Variants in UNC80 observed in about 807,000 individuals in gnomAD.
UNC80 encodes the protein unc-80 subunit of NALCN channel complex.
UNC80 carries 164 observed loss-of-function variants against 384.6 expected under a neutral mutation model. The observed-to-expected ratio is 0.43, with a 90% CI of 0.38 to 0.49. The LOEUF is 0.49. Ranked by LOEUF, UNC80 falls within the 20% of genes least tolerant of loss-of-function variation. The pLI is 0.00. For synonymous variants in UNC80, 1,486 were observed against 1,527.8 expected (o/e 0.97, Z 0.64); for missense variants, 3,330 against 4,143.0 (o/e 0.80, Z 5.39).
At chr2:209,949,366 A>G (rs1368193535) in intron 47 of UNC80, among the ~76,000 whole-genome samples, 8 of 152,152 alleles carry the variant, frequency 5.3e-5, no homozygotes, top group Admixed American at 5.2e-4. Context: ...TGTATTTGTA[A>G]CCCTCCATTA....
At chr2:209,918,336 G>A (rs2089731717) in intron 32 of UNC80, among the ~76,000 whole-genome samples, 196 bp from the exon 33 acceptor site, 1 of 152,180 alleles carries the variant, frequency 6.6e-6, no homozygotes, top group Admixed American at 6.5e-5. Flanking sequence ...TTAGTAAACT[G>A]AGGCCCAGAT....
intron 61 of UNC80, among the ~76,000 whole-genome samples, chr2:209,991,694 C>T (rs1390672815): frequency 6.6e-6 from 1 of 152,126 alleles, no homozygotes; most frequent in Non-Finnish European, 1.5e-5. Flanking sequence ...TGAATGTGCC[C>T]CTTCACCCAA....
At chr2:209,922,009 GATTA>G (rs1238273989) in intron 34 of UNC80, among the ~76,000 whole-genome samples, 3 of 152,262 alleles carry the variant, frequency 2.0e-5, no homozygotes, top group East Asian at 1.9e-4. Context: ...TATCAAAAAT[GATTA>G]ATTAATCATT....
intron 7 of UNC80, among the ~76,000 whole-genome samples, chr2:209,811,446 T>G (rs1329971359): frequency 6.6e-6 from 1 of 152,176 alleles, no homozygotes; most frequent in Non-Finnish European, 1.5e-5. Flanking sequence ...AGGAAGTAAT[T>G]GCAATAAGCC....
chr2:209,941,430 C>A lies in UNC80; in HGVS notation c.6856C>A (p.His2286Asn), dbSNP rs1020253955. Reference sequence around the variant, plus strand: ...TGCCACCGTCATCAACACCGCGGTGCACTTCAACCACCTCTTCTCTCTCAG... The same window carrying A: ...TGCCACCGTCATCAACACCGCGGTGAACTTCAACCACCTCTTCTCTCTCAG... ...YAATVINTAV[H>N]FNHLFSLSGY... The change falls in exon 44 of 65, where the codon CAC becomes AAC. Residue 2286 changes from histidine to asparagine, a missense_variant. Around this residue, in one of 8 missense-constraint regions of UNC80, gnomAD observed 1,049 missense variants for 1,488.6 expected, o/e 0.70. Coordinates refer to ENST00000673920, the MANE Select transcript of UNC80 (RefSeq NM_001371986.1). 2.6e-5 allele frequency: 40 copies of A among 1,546,754 alleles called. No homozygotes were observed. Among genetic ancestry groups the A allele is most frequent in the Non-Finnish European group, 3.5e-5 (40 of 1,142,920 alleles).
intron 20 of UNC80, among the ~76,000 whole-genome samples, chr2:209,841,355 GTTT>G (rs1300746930): frequency 6.6e-6 from 1 of 151,924 alleles, no homozygotes; most frequent in African/African-American, 2.4e-5. Flanking sequence ...TGTTGTTGTT[GTTT>G]TTGTTTTGTT....
At position 209,995,537 on chromosome 2, in the gene UNC80, C is replaced by G. The variant is rs1185318054; in HGVS notation, c.9917C>G (p.Thr3306Ser). The change falls in exon 65 of 65, where the codon ACC (threonine) becomes AGC (serine). Residue 3306 changes from threonine (T) to serine (S), a missense_variant. Coordinates refer to ENST00000673920, the MANE Select transcript of UNC80 (RefSeq NM_001371986.1). ...MENPLLSSQF[T>S]FTPTELGKTD... ...AACCCGCTACTATCTAGTCAGTTCA[C>G]CTTTACTCCCACTGAGCTGGGGAAA... The G allele has an allele frequency of 6.4e-7, 1 of 1,551,986 alleles. No homozygotes were observed. The highest frequency in any genetic ancestry group is 8.7e-7 in the Non-Finnish European group (1 of 1,147,066).
At position 209,940,850 on chromosome 2, in the gene UNC80, G is replaced by A. The variant is rs542116144; in HGVS notation, c.6647-371G>A. On this transcript the variant is annotated intron_variant, in intron 43 of 64. Transcript: ENST00000673920. ...AAAAAACAAAAAACAAAACGCTTCA[G>A]CTTCAGCAGTAGATAGAGCTCTAGC... 2.2e-4 allele frequency among the ~76,000 whole-genome samples: 33 copies of A among 152,166 alleles called. No homozygotes were observed. The South Asian group carries it at 6.8e-3, about 32-fold the overall frequency.
Position 209,872,829 on chromosome 2 carries a change from C to T in UNC80, c.3699C>T (p.Gly1233=). 4 of 1,551,460 alleles carry T rather than the reference C, an allele frequency of 2.6e-6. No individual in the cohort carries two copies. Among genetic ancestry groups the T allele is most frequent in the Non-Finnish European group, 3.5e-6 (4 of 1,146,828 alleles). The stretch of plus-strand genomic sequence containing the variant: ...GTTTTGTTCACCGCTGCAACCGTGG[C>T]AACTGGCCAGAGTGGATGAAAGGGC... ...CARFVHRCNR[G]NWPEWMKGHH... is the part of the protein sequence containing the mutation. Residue 1233 remains glycine (G), a synonymous_variant, in exon 23 of 65, where the codon GGC becomes GGT. Transcript: ENST00000673920. The surrounding 1 kb of genome is among the most constrained non-coding windows in gnomAD (Gnocchi z 4.1).
In UNC80 at chr2:209,839,256, A is replaced by C. The variant is rs1354515944; in HGVS notation, c.3076A>C (p.Lys1026Gln). 1 of 1,551,580 alleles carries C rather than the reference A, an allele frequency of 6.4e-7. No homozygotes were observed. Among genetic ancestry groups the C allele is most frequent in the Middle Eastern group, 1.7e-4 (1 of 5,984 alleles). The change falls in exon 19 of 65, where the codon AAA becomes CAA. Residue 1026 changes from lysine (K) to glutamine (Q), a missense_variant. Transcript: ENST00000673920. The surrounding 1 kb of genome is among the most constrained non-coding windows in gnomAD (Gnocchi z 4.1). ...AATGCAAGGAGCCAACTTGGGGCGG[A>C]AAGATTTCTGGCGTAAGATGTTCAA... ...EQMQGANLGR[K>Q]DFWRKMFKSQ...
intron 31 of UNC80, among the ~76,000 whole-genome samples, chr2:209,917,072 C>G (rs1261632015): frequency 1.3e-5 from 2 of 152,148 alleles, no homozygotes; most frequent in Non-Finnish European, 2.9e-5. Flanking sequence ...GGCACAACTG[C>G]CTAAGCACAT....
intron 21 of UNC80, among the ~76,000 whole-genome samples, chr2:209,842,942 AT>A (rs1442078757): frequency 6.6e-6 from 1 of 152,178 alleles, no homozygotes; most frequent in Non-Finnish European, 1.5e-5. Context: ...AATTTGCTTC[AT>A]TTGTCCTAGT....
intron 11 of UNC80, among the ~76,000 whole-genome samples, chr2:209,818,535 T>A (rs1356738044): frequency 1.3e-5 from 2 of 152,232 alleles, no homozygotes; most frequent in Non-Finnish European, 2.9e-5. Flanking sequence ...AGGTATTCAA[T>A]GATATCTGTT....
intron 28 of UNC80, among the ~76,000 whole-genome samples, chr2:209,898,802 C>T (rs1574937096): frequency 6.6e-6 from 1 of 152,178 alleles, no homozygotes; most frequent in Non-Finnish European, 1.5e-5. Flanking sequence ...ATCTTTCTAA[C>T]TCTCTATGTC....
At chr2:209,862,649 C>CTT (rs71043955) in intron 22 of UNC80, among the ~76,000 whole-genome samples, 18 of 78,786 alleles carry the variant, frequency 2.3e-4, no homozygotes, top group East Asian at 5.9e-4. Context: ...GCAACCTCTG[C>CTT]TTTTTTTTTT....
intron 56 of UNC80, among the ~76,000 whole-genome samples, chr2:209,974,416 GGAT>G (rs1394473091): frequency 6.6e-6 from 1 of 152,194 alleles, no homozygotes; most frequent in African/African-American, 2.4e-5. Context: ...ATTGCACAGA[GGAT>G]GATGGAGGAA....
chr2:209,844,849 T>G (rs2082064974), intron 21 of UNC80, among the ~76,000 whole-genome samples: 1 of 151,800 alleles, frequency 6.6e-6, no homozygotes, highest in Non-Finnish European at 1.5e-5. Context: ...GTGATCCTCC[T>G]ACCTCAGTGT....
At position 209,786,980 on chromosome 2, in the gene UNC80, C is replaced by CATAT. The variant is rs60467878; in HGVS notation, c.724+827_724+830dup. ...AAATTATGTGGAAAATCTACAGAAG[C>CATAT]ATATATATATATATATATATATATA... is the stretch of plus-strand genomic sequence containing the variant. On this transcript the variant is annotated intron_variant, in intron 5 of 64. Transcript: ENST00000673920. Among the ~76,000 whole-genome samples the CATAT allele has an allele frequency of 4.5e-3, 604 of 135,646 alleles. 5 individuals carry two copies. Among genetic ancestry groups the CATAT allele is most frequent in the African/African-American group, 0.016 (557 of 35,218 alleles). 89.0% of individuals were successfully genotyped at this position (135,646 alleles called of 152,430 possible). A position where few individuals can be genotyped will look rare whatever the true frequency, so the allele number is the denominator to read the frequency against.
At chr2:209,969,203 T>A (rs1391508658) in intron 52 of UNC80, 1 of 152,360 alleles carries the variant, frequency 6.6e-6, no homozygotes, top group Non-Finnish European at 1.5e-5. Flanking sequence ...AATTGGGTTA[T>A]GTATACAGTA....
Sources: allele counts gnomAD v4.1 joint callset (sites outside exome capture counted in the v4.1 genomes callset), GRCh38; gene constraint gnomAD v4.1.1; regional missense constraint gnomAD v4.1.1; non-coding constraint Gnocchi (gnomAD v3.1); transcripts MANE v1.5; gene names NCBI Gene and HGNC (gene_info 2026-07-23, HGNC 2026-07-21).